Variants in ZNRF1 observed in about 807,000 individuals in gnomAD.
ZNRF1 encodes zinc and ring finger 1, also known as E3 ubiquitin-protein ligase ZNRF1.
A neutral mutation model predicts 18.4 loss-of-function variants in ZNRF1; 3 were observed. The ratio of observed to expected loss-of-function variants is 0.16; its 90% CI spans 0.07 to 0.42. The LOEUF is 0.42. Among genes scored for constraint, ZNRF1 ranks in the 10% least tolerant of loss-of-function variants. ZNRF1 has a pLI of 0.99. For synonymous variants in ZNRF1, 157 were observed against 144.2 expected (o/e 1.09, Z -0.64); for missense variants, 310 against 329.8 (o/e 0.94, Z 0.47).
At chr16:75,094,984 C>G (rs1170841857) in intron 2 of ZNRF1, among the ~76,000 whole-genome samples, 1 of 152,148 alleles carries the variant, frequency 6.6e-6, no homozygotes, top group Non-Finnish European at 1.5e-5. Flanking sequence ...TAGGGAGACT[C>G]TTCTCTGCCC....
chr16:75,103,539 GTA>G (rs904727549), intron 2 of ZNRF1, among the ~76,000 whole-genome samples: 4 of 152,062 alleles, frequency 2.6e-5, no homozygotes, highest in African/African-American at 9.7e-5. Flanking sequence ...GGATTAATGG[GTA>G]TAACATTTTA....
chr16:75,031,137 G>A (rs1283658691), intron 1 of ZNRF1, among the ~76,000 whole-genome samples: 2 of 127,782 alleles, frequency 1.6e-5, no homozygotes, highest in African/African-American at 2.9e-5. Flanking sequence ...CGCCCCACCT[G>A]TTTTTTTTTT....
intron 1 of ZNRF1, among the ~76,000 whole-genome samples, chr16:75,032,621 A>G (rs937158657): frequency 4.6e-5 from 7 of 152,324 alleles, no homozygotes; most frequent in Admixed American, 3.9e-4. Context: ...CAAGTTACAG[A>G]ATGGGAGAAA....
intron 1 of ZNRF1, among the ~76,000 whole-genome samples, chr16:75,030,675 C>A (rs758507080): frequency 6.6e-6 from 1 of 152,108 alleles, no homozygotes; most frequent in African/African-American, 2.4e-5. Context: ...CTACCCAAGA[C>A]AACCACTAAT....
intron 1 of ZNRF1, among the ~76,000 whole-genome samples, chr16:75,049,599 C>G (rs1209064539): frequency 1.3e-5 from 2 of 152,294 alleles, no homozygotes; most frequent in African/African-American, 4.8e-5. Flanking sequence ...GAGTTAGAGA[C>G]CAACCTGGGC....
intron 1 of ZNRF1, among the ~76,000 whole-genome samples, chr16:75,030,047 A>G (rs970023468): frequency 1.4e-5 from 2 of 143,844 alleles, no homozygotes; most frequent in Non-Finnish European, 3.0e-5. Context: ...TTGGTGACAG[A>G]GCAAGATGCT....
chr16:75,075,332 C>CA (rs1353856541), intron 1 of ZNRF1, among the ~76,000 whole-genome samples: 1 of 152,266 alleles, frequency 6.6e-6, no homozygotes, highest in Non-Finnish European at 1.5e-5. Flanking sequence ...AGTCTGTGCA[C>CA]ATGCACACAT....
chr16:75,079,551 CT>C (rs1391633684), intron 1 of ZNRF1, among the ~76,000 whole-genome samples: 1 of 152,182 alleles, frequency 6.6e-6, no homozygotes, highest in Non-Finnish European at 1.5e-5. Flanking sequence ...CTTTGCATGT[CT>C]TTCTCTGTGG....
At chr16:75,038,420 C>T (rs1366659131) in intron 1 of ZNRF1, among the ~76,000 whole-genome samples, 2 of 152,140 alleles carry the variant, frequency 1.3e-5, no homozygotes, top group African/African-American at 2.4e-5. Context: ...GTGAGCATAC[C>T]AGGCAGCAAA....
At chr16:75,079,764 A>G (rs1394116293) in intron 1 of ZNRF1, among the ~76,000 whole-genome samples, 1 of 152,210 alleles carries the variant, frequency 6.6e-6, no homozygotes, top group Admixed American at 6.5e-5. Flanking sequence ...TCTGGGTTCC[A>G]GCCTCCATCT....
intron 1 of ZNRF1, among the ~76,000 whole-genome samples, chr16:75,005,890 A>G (rs2034910949): frequency 6.6e-6 from 1 of 152,134 alleles, no homozygotes; most frequent in Non-Finnish European, 1.5e-5. Flanking sequence ...TCACTGGGCA[A>G]ACATCATAGG....
In ZNRF1 at chr16:75,104,811, A is replaced by C; in HGVS notation, c.548A>C (p.Glu183Ala). ...NDDVLTKDAG[E>A]CVICLEELLQ... ...GATGTGCTGACTAAAGACGCGGGTG[A>C]GTGTGTGATCTGCCTGGAGGAGCTG... Residue 183 changes from glutamate (E) to alanine (A), a missense_variant, in exon 3 of 5, where the codon GAG (glutamate) becomes GCG (alanine). Around this residue, in one of 2 missense-constraint regions of ZNRF1, gnomAD observed 293 missense variants for 291.2 expected, o/e 1.01. Coordinates refer to ENST00000335325, the MANE Select transcript of ZNRF1 (RefSeq NM_032268.5). 1 of 1,610,164 alleles carries C rather than the reference A, an allele frequency of 6.2e-7. No individual in the cohort carries two copies. The highest frequency in any genetic ancestry group is 8.5e-7 in the Non-Finnish European group (1 of 1,178,820).
chr16:75,033,689 G>A (rs530451348), intron 1 of ZNRF1, among the ~76,000 whole-genome samples: 13 of 152,012 alleles, frequency 8.6e-5, no homozygotes, highest in East Asian at 3.9e-4. Flanking sequence ...TGTTTCCCTC[G>A]GCCTCCCAAA....
intron 1 of ZNRF1, among the ~76,000 whole-genome samples, chr16:75,034,309 C>CCT (rs2035349410): frequency 6.6e-6 from 1 of 152,134 alleles, no homozygotes; most frequent in African/African-American, 2.4e-5. Context: ...TTTCCATTTC[C>CCT]CTCTCCCCTC....
chr16:75,012,765 A>G (rs1231390711), intron 1 of ZNRF1, among the ~76,000 whole-genome samples: 1 of 152,188 alleles, frequency 6.6e-6, no homozygotes, highest in Non-Finnish European at 1.5e-5. Context: ...ACTATCTTAC[A>G]TAAGCTACAG....
intron 1 of ZNRF1, among the ~76,000 whole-genome samples, chr16:75,003,435 T>C (rs1306059646): frequency 6.6e-6 from 1 of 152,238 alleles, no homozygotes; most frequent in African/African-American, 2.4e-5. Context: ...TTGAGTACTT[T>C]ATGTTCATCA....
chr16:75,065,408 C>G (rs984881011), intron 1 of ZNRF1, among the ~76,000 whole-genome samples: 20 of 152,148 alleles, frequency 1.3e-4, no homozygotes, highest in Non-Finnish European at 4.4e-5. Flanking sequence ...CACGCTCTGG[C>G]CGTTTGTTAC....
intron 4 of ZNRF1, 146 bp from the exon 5 acceptor site, chr16:75,107,587 C>G: frequency 5.0e-6 from 2 of 398,500 alleles, no homozygotes; most frequent in Non-Finnish European, 1.0e-5. Context: ...AGGCACATGG[C>G]TGCAAATTCC....
intron 1 of ZNRF1, among the ~76,000 whole-genome samples, chr16:75,054,881 TC>T: frequency 6.6e-6 from 1 of 152,330 alleles, no homozygotes; most frequent in East Asian, 1.9e-4. Flanking sequence ...CTCTAGCCTT[TC>T]TTACAGGTCA....
Sources: gnomAD v4.1 joint callset for allele counts (sites outside exome capture counted in the v4.1 genomes callset) on GRCh38, gnomAD v4.1.1 for gene constraint, gnomAD v4.1.1 regional missense constraint, MANE v1.5 for transcripts, NCBI Gene and HGNC (gene_info 2026-07-23, HGNC 2026-07-21) for gene names.